Variants in IRX4 observed in about 807,000 individuals in gnomAD.
IRX4 encodes iroquois homeobox 4.
Under a neutral mutation model 32.0 loss-of-function variants are expected in IRX4, and 22 were observed. That is an observed-to-expected ratio of 0.69 (90% confidence interval 0.49 to 0.98). The LOEUF (loss-of-function observed/expected upper bound fraction) is 0.98, where lower values mean the gene tolerates loss of function less well. IRX4 is among the 50% of genes least tolerant of loss of function. IRX4 has a pLI of 0.00. For synonymous variants in IRX4, 379 were observed against 351.7 expected, an observed-to-expected ratio of 1.08 and a Z score of -0.87; for missense variants, 840 against 744.2, an observed-to-expected ratio of 1.13 and a Z score of -1.50.
upstream of IRX4, among the ~76,000 whole-genome samples, chr5:1,886,327 G>A (rs562332698): frequency 1.3e-5 from 2 of 152,368 alleles, no homozygotes; most frequent in East Asian, 1.9e-4. Flanking sequence ...CGGGAGCCCG[G>A]GGCACCAGGC....
At chr5:1,885,945 G>A (rs1362688589), upstream of IRX4, among the ~76,000 whole-genome samples, 1 of 152,250 alleles carries the variant, frequency 6.6e-6, no homozygotes, top group Non-Finnish European at 1.5e-5. Flanking sequence ...CCCGTGAGCA[G>A]GTGGGCCAGA....
At chr5:1,880,219 T>C (rs909364138) in intron 3 of IRX4, 2 of 1,223,950 alleles carry the variant, frequency 1.6e-6, no homozygotes. Flanking sequence ...GGGTCATTAC[T>C]GCCCAGGAGG....
intron 4 of IRX4, among the ~76,000 whole-genome samples, chr5:1,879,220 T>C (rs949644206): frequency 6.6e-6 from 1 of 152,032 alleles, no homozygotes; most frequent in African/African-American, 2.4e-5. Flanking sequence ...CTCAATCTCC[T>C]GACCTCGTGA....
chr5:1,887,042 G>A (rs1016438283), upstream of IRX4: 1 of 151,378 alleles, frequency 6.6e-6, no homozygotes, highest in Non-Finnish European at 1.5e-5. Context: ...GCGGGGGCGG[G>A]AGCGGGGGAC....
At chr5:1,882,555 G>A in intron 1 of IRX4, 48 bp downstream of exon 1, 2 of 1,449,282 alleles carry the variant, frequency 1.4e-6, no homozygotes, top group South Asian at 1.3e-5. Context: ...CGCCCCATCC[G>A]CCCTACCGGC....
rs1489514246 is a variant in IRX4, at chr5:1,878,692, G to T, written c.837C>A (p.Phe279Leu). ...EPPACELKPP[F>L]HSLDGGLERV... is the part of the protein sequence containing the mutation. Reference sequence around the variant, plus strand: ...GCTCCAGACCGCCGTCCAGGGAGTGGAAGGGCGGCTTCAGCTCGCACGCCG... The same window carrying T: ...GCTCCAGACCGCCGTCCAGGGAGTGTAAGGGCGGCTTCAGCTCGCACGCCG... Residue 279 changes from phenylalanine (F) to leucine (L), a missense_variant, in exon 5 of 5, where the codon TTC becomes TTA. By Grantham distance (22) the Phe-to-Leu change is conservative. Coordinates refer to ENST00000231357, the MANE Select transcript of IRX4 (RefSeq NM_016358.3). 1 of 1,609,942 alleles carries T rather than the reference G, an allele frequency of 6.2e-7. No homozygotes were observed. The highest frequency in any genetic ancestry group is 8.5e-7 in the Non-Finnish European group (1 of 1,178,906).
chr5:1,879,287 G>C (rs1304890191), intron 4 of IRX4, among the ~76,000 whole-genome samples: 1 of 152,162 alleles, frequency 6.6e-6, no homozygotes, highest in African/African-American at 2.4e-5. Flanking sequence ...CACCGCGCCC[G>C]GCCTACTATT....
Position 1,878,007 on chromosome 5 carries a change from C to G in IRX4, c.1522G>C (p.Ala508Pro). 1 of 1,506,028 alleles carries G rather than the reference C, an allele frequency of 6.6e-7. No homozygotes were observed. Among genetic ancestry groups the G allele is most frequent in the East Asian group, 2.6e-5 (1 of 38,992 alleles). The allele number at this position is 1,506,028 out of a possible 1,614,324, so 93.3% of individuals were successfully genotyped here. The change falls in exon 5 of 5, where the codon GCC (alanine) becomes CCC (proline). Residue 508 changes from alanine to proline, a missense_variant. Around this residue, in one of 3 missense-constraint regions of IRX4, gnomAD observed 585 missense variants for 488.0 expected, o/e 1.20. Transcript: ENST00000231357. ...PAAGAARELL[A>P]LPKAGGKPFC... ...GGTTTGCCGCCGGCCTTGGGCAGGG[C>G]GAGCAGCTCCCTGGCGGCGCCTGCA... is the stretch of plus-strand genomic sequence containing the variant.
Position 1,878,143 on chromosome 5 carries a change from G to C in IRX4, c.1386C>G (p.Gly462=). Reference sequence around the variant, plus strand: ...CCAGAGGCCCGGGGTCCAGGAGGGCGCCCTTGGCGGTGGCCCAGGCCTGGT... The same window carrying C: ...CCAGAGGCCCGGGGTCCAGGAGGGCCCCCTTGGCGGTGGCCCAGGCCTGGT... ...TLNQAWATAK[G]ALLDPGPLGR... Residue 462 remains glycine, a synonymous_variant, in exon 5 of 5, where the codon GGC becomes GGG. Transcript: ENST00000231357. 6.4e-7 allele frequency: 1 copy of C among 1,556,088 alleles called. No homozygotes were observed. Among genetic ancestry groups the C allele is most frequent in the Non-Finnish European group, 8.7e-7 (1 of 1,155,528 alleles).
intron 2 of IRX4, among the ~76,000 whole-genome samples, chr5:1,881,339 G>C (rs1735429723): frequency 7.6e-6 from 1 of 131,416 alleles, no homozygotes; most frequent in Non-Finnish European, 1.6e-5. Context: ...AGCAAGGGTG[G>C]GGGAGGAGCA....
rs758947890 is a variant in IRX4 at position 1,880,736 on chromosome 5, G to A, written c.396C>T (p.Tyr132=). The change falls in exon 3 of 5, where the codon TAC becomes TAT. Residue 132 remains tyrosine (Y), a synonymous_variant. Transcript: ENST00000231357. ...YYPYEPALGQ[Y]PYDRYGTMDS... ...GGGTGGGTCCTCACCTGTCATAGGG[G>A]TACTGGCCCAGAGCTGGCTCGTAAG... The A allele has an allele frequency of 1.2e-6, 2 of 1,612,514 alleles. No individual in the cohort carries two copies. Among genetic ancestry groups the A allele is most frequent in the Admixed American group, 3.3e-5 (2 of 60,020 alleles).
At position 1,878,321 on chromosome 5, in the gene IRX4, G is replaced by A. The variant is rs1298065733; in HGVS notation, c.1208C>T (p.Pro403Leu). 6.4e-7 allele frequency: 1 copy of A among 1,562,082 alleles called. No individual in the cohort carries two copies. Among genetic ancestry groups the A allele is most frequent in the Non-Finnish European group, 8.7e-7 (1 of 1,154,570 alleles). Residue 403 changes from proline (P) to leucine (L), a missense_variant, in exon 5 of 5, where the codon CCT becomes CTT. Pro to Leu is a moderately conservative substitution (Grantham distance 98). Around this residue, in one of 3 missense-constraint regions of IRX4, gnomAD observed 585 missense variants for 488.0 expected, o/e 1.20. Coordinates refer to ENST00000231357, the MANE Select transcript of IRX4 (RefSeq NM_016358.3). ...CMLKRQGPAA[P>L]AAVSSAPATS... ...GGCGGGCGCGGAGGACACAGCCGCAGGGGCCGCGGGACCTTGGCGCTTGAG... is the reference window on the plus strand; with the variant it reads ...GGCGGGCGCGGAGGACACAGCCGCAAGGGCCGCGGGACCTTGGCGCTTGAG...
At chr5:1,881,164 AG>A (rs996419458) in intron 2 of IRX4, 5 of 356,944 alleles carry the variant, frequency 1.4e-5, no homozygotes, top group Non-Finnish European at 2.6e-5. Flanking sequence ...AATAGGGGGC[AG>A]CTGGGAGAAG....
At position 1,877,957 on chromosome 5, in the gene IRX4, G is replaced by C; in HGVS notation, c.*12C>G. 6.7e-7 allele frequency: 1 copy of C among 1,492,250 alleles called. No individual in the cohort carries two copies. The highest frequency in any genetic ancestry group is 8.9e-7 in the Non-Finnish European group (1 of 1,125,542). 92.4% of individuals were successfully genotyped at this position (1,492,250 alleles called of 1,614,324 possible). ...AGCGCGGGTTCCCTCCTGGGCTCGG[G>C]ACCCGCCCGCCTCAGGCGCAGAAGG... On this transcript the variant is annotated 3_prime_UTR_variant, in exon 5 of 5. Coordinates refer to ENST00000231357, the MANE Select transcript of IRX4 (RefSeq NM_016358.3).
upstream of IRX4, chr5:1,884,566 T>A (rs906732677): frequency 1.1e-4 from 17 of 152,228 alleles, no homozygotes; most frequent in African/African-American, 4.1e-4. Flanking sequence ...AAATAATGAA[T>A]AGCCGCTCCA....
rs1735273949 is a variant in IRX4 at position 1,878,195 on chromosome 5, T to A, written c.1334A>T (p.Asp445Val). Residue 445 changes from aspartate (D) to valine (V), a missense_variant, in exon 5 of 5, where the codon GAC (aspartate) becomes GTC (valine). Asp to Val is a radical substitution (Grantham distance 152, BLOSUM62 -3). This residue lies in a region of IRX4 where 585 missense variants were observed against 488.0 expected (regional missense o/e 1.20). Coordinates refer to ENST00000231357, the MANE Select transcript of IRX4 (RefSeq NM_016358.3). The stretch of plus-strand genomic sequence containing the variant: ...CAAAGTGCTGTGCCTGAGGATGGGG[T>A]CGTGGAAGACCCCGTCCACCCAGTT... The part of the protein sequence containing the change: ...LRNWVDGVFH[D>V]PILRHSTLNQ... The A allele has an allele frequency of 6.3e-7, 1 of 1,595,922 alleles. No homozygotes were observed. Among genetic ancestry groups the A allele is most frequent in the Non-Finnish European group, 8.5e-7 (1 of 1,172,910 alleles).
intron 3 of IRX4, 74 bp downstream of exon 3, chr5:1,880,651 G>A (rs908360942): frequency 2.9e-5 from 28 of 976,750 alleles, no homozygotes; most frequent in Non-Finnish European, 4.5e-5. Flanking sequence ...GGGCATGATG[G>A]TGGAGGGGAG....
rs193190789 is a variant in IRX4 at position 1,878,452 on chromosome 5, C to G, written c.1077G>C (p.Ser359=). The G allele has an allele frequency of 6.2e-6, 9 of 1,458,550 alleles. No individual in the cohort carries two copies. The Admixed American group carries it at 1.5e-4, about 24-fold the overall frequency. The allele number at this position is 1,458,550 out of a possible 1,614,324, so 90.4% of individuals were successfully genotyped here. The change falls in exon 5 of 5, where the codon TCG becomes TCC. Residue 359 remains serine, a synonymous_variant. Coordinates refer to ENST00000231357, the MANE Select transcript of IRX4 (RefSeq NM_016358.3). ...AKLGFVPAGA[S]AGLEAKPRIW... The stretch of plus-strand genomic sequence containing the variant: ...TGCGCGGCTTAGCCTCCAGGCCTGC[C>G]GACGCCCCCGCCGGCACAAACCCCA...
In IRX4 at chr5:1,877,988, C is replaced by A; in HGVS notation, c.1541G>T (p.Gly514Val). The change falls in exon 5 of 5, where the codon GGC becomes GTC. Residue 514 changes from glycine (G) to valine (V), a missense_variant. Physicochemically the swap from Gly to Val is moderately radical, Grantham distance 109. Coordinates refer to ENST00000231357, the MANE Select transcript of IRX4 (RefSeq NM_016358.3). Reference protein sequence around the residue: ...RELLALPKAGGKPFCA With the variant: ...RELLALPKAGVKPFCA ...CCCGCCTCAGGCGCAGAAGGGTTTG[C>A]CGCCGGCCTTGGGCAGGGCGAGCAG... is the stretch of plus-strand genomic sequence containing the variant. The A allele has an allele frequency of 6.7e-7, 1 of 1,502,874 alleles. No homozygotes were observed. The highest frequency in any genetic ancestry group is 1.2e-5 in the South Asian group (1 of 81,262). The allele number at this position is 1,502,874 out of a possible 1,614,324, so 93.1% of individuals were successfully genotyped here.
Sources: gnomAD v4.1 joint callset for allele counts (sites outside exome capture counted in the v4.1 genomes callset) on GRCh38, gnomAD v4.1.1 for gene constraint, gnomAD v4.1.1 regional missense constraint, MANE v1.5 for transcripts, NCBI Gene and HGNC (gene_info 2026-07-23, HGNC 2026-07-21) for gene names.